Variants in KAZN observed in about 807,000 individuals in gnomAD.
KAZN encodes kazrin.
In KAZN, 40 loss-of-function variants were observed where a neutral mutation model predicts 87.4. That is an observed-to-expected ratio of 0.46 (90% CI 0.36 to 0.60). The LOEUF is 0.60. Ranked by LOEUF, KAZN falls within the 20% of genes least tolerant of loss-of-function variation. The probability of loss-of-function intolerance (pLI) is 0.00; values close to 1 mark genes in which losing one functional copy is unlikely to be tolerated. For synonymous variants in KAZN, 466 were observed against 458.3 expected, an observed-to-expected ratio of 1.02 and a Z score of -0.22; for missense variants, 898 against 1,073.9, an observed-to-expected ratio of 0.84 and a Z score of 2.29.
Position 14,961,621 on chromosome 1 carries a change from G to T in KAZN, c.418+746G>T, listed in dbSNP as rs78368198. 3.7e-3 allele frequency among the ~76,000 whole-genome samples: 566 copies of T among 152,266 alleles called. 2 individuals are homozygous for T. Among genetic ancestry groups the T allele is most frequent in the African/African-American group, 0.013 (546 of 41,550 alleles). Reference sequence around the variant, plus strand: ...ACTCCACAGTGCTTGGAGAACTCAGGCATGAAACATCTGGGGAAAACACAG... The same window carrying T: ...ACTCCACAGTGCTTGGAGAACTCAGTCATGAAACATCTGGGGAAAACACAG... On this transcript the variant is annotated intron_variant, in intron 2 of 14. Transcript: ENST00000376030.
At chr1:14,604,327 T>C (rs535220822) in intron 1 of KAZN, among the ~76,000 whole-genome samples, 4 of 152,250 alleles carry the variant, frequency 2.6e-5, no homozygotes, top group South Asian at 4.2e-4. Flanking sequence ...CAGGGGCAGA[T>C]CATACCTGAC....
chr1:15,079,060 C>T (rs1472650705), intron 8 of KAZN, among the ~76,000 whole-genome samples: 1 of 152,158 alleles, frequency 6.6e-6, no homozygotes, highest in Non-Finnish European at 1.5e-5. Context: ...TTGCATGAAT[C>T]ATGCAAGATA....
At chr1:14,110,766 C>T (rs1275858306) in intron 1 of KAZN, among the ~76,000 whole-genome samples, 1 of 133,298 alleles carries the variant, frequency 7.5e-6, no homozygotes, top group African/African-American at 2.9e-5. Context: ...CCCTAGGTTT[C>T]AGGCTTAGTA....
chr1:14,161,602 C>A (rs113826696), intron 1 of KAZN, among the ~76,000 whole-genome samples: 4,424 of 152,268 alleles, frequency 0.029, 214 homozygotes, highest in African/African-American at 0.1. Flanking sequence ...GTCAAATGGA[C>A]ATTTCCACAA....
At chr1:14,027,249 A>G (rs1207657939) in intron 1 of KAZN, among the ~76,000 whole-genome samples, 2 of 151,928 alleles carry the variant, frequency 1.3e-5, no homozygotes, top group African/African-American at 4.8e-5. Flanking sequence ...TTTCCTTTTG[A>G]TGTCTGGAAT....
intron 2 of KAZN, among the ~76,000 whole-genome samples, chr1:14,183,147 T>C (rs2100324362): frequency 6.6e-6 from 1 of 152,290 alleles, no homozygotes; most frequent in South Asian, 2.1e-4. Flanking sequence ...TCAAGTCACA[T>C]CTGTTTGGAA....
At chr1:14,715,659 A>G (rs187339911) in intron 1 of KAZN, among the ~76,000 whole-genome samples, 51 of 152,290 alleles carry the variant, frequency 3.3e-4, no homozygotes, top group Non-Finnish European at 2.9e-4. Flanking sequence ...GGCCTAATAC[A>G]GGTTGATATT....
intron 2 of KAZN, among the ~76,000 whole-genome samples, chr1:14,209,081 C>G (rs1247074819): frequency 6.6e-6 from 1 of 152,242 alleles, no homozygotes; most frequent in Non-Finnish European, 1.5e-5. Flanking sequence ...CACCACTACC[C>G]TGCTCTAGAA....
intron 1 of KAZN, among the ~76,000 whole-genome samples, chr1:14,712,087 AG>A (rs1465918494): frequency 6.6e-6 from 1 of 152,176 alleles, no homozygotes; most frequent in Non-Finnish European, 1.5e-5. Flanking sequence ...AAGGGGAGAA[AG>A]GGTTTTAGGG....
At chr1:14,738,415 G>A (rs1029570675) in intron 1 of KAZN, among the ~76,000 whole-genome samples, 1 of 152,060 alleles carries the variant, frequency 6.6e-6, no homozygotes, top group Non-Finnish European at 1.5e-5. Context: ...AGCACACTCA[G>A]TCTTAATGTA....
At chr1:14,466,384 T>C (rs1668131198) in intron 2 of KAZN, among the ~76,000 whole-genome samples, 1 of 151,574 alleles carries the variant, frequency 6.6e-6, no homozygotes, top group African/African-American at 2.4e-5. Flanking sequence ...CTCAGCAAAC[T>C]AATGCAGGAA....
At chr1:14,887,971 A>T (rs1485143328) in intron 1 of KAZN, among the ~76,000 whole-genome samples, 2 of 151,842 alleles carry the variant, frequency 1.3e-5, no homozygotes, top group Non-Finnish European at 2.9e-5. Context: ...AGAGAAGGAA[A>T]AGTGACAAGG....
intron 2 of KAZN, among the ~76,000 whole-genome samples, chr1:14,519,742 T>C (rs1671485266): frequency 6.6e-6 from 1 of 152,242 alleles, no homozygotes; most frequent in Non-Finnish European, 1.5e-5. Flanking sequence ...CAAGAGACTT[T>C]GGGGGATTCC....
chr1:14,385,509 T>G (rs1387870564), intron 2 of KAZN, among the ~76,000 whole-genome samples: 1 of 152,236 alleles, frequency 6.6e-6, no homozygotes, highest in Non-Finnish European at 1.5e-5. Context: ...TCTGGTATGT[T>G]GTGTCTTTGT....
At chr1:14,746,832 T>C (rs1421191936) in intron 1 of KAZN, among the ~76,000 whole-genome samples, 1 of 152,244 alleles carries the variant, frequency 6.6e-6, no homozygotes, top group Non-Finnish European at 1.5e-5. Flanking sequence ...TCAGTTATTT[T>C]ATATGTTGGT....
chr1:14,129,970 A>C (rs565816386), intron 1 of KAZN, among the ~76,000 whole-genome samples: 11 of 152,242 alleles, frequency 7.2e-5, no homozygotes, highest in Non-Finnish European at 1.5e-4. Context: ...AATTGAGAGA[A>C]GTGAACAAAT....
intron 2 of KAZN, among the ~76,000 whole-genome samples, chr1:14,388,240 G>A (rs1662118868): frequency 6.6e-6 from 1 of 152,144 alleles, no homozygotes; most frequent in South Asian, 2.1e-4. Flanking sequence ...GATGAACCCG[G>A]TACCTCAGAT....
chr1:14,959,314 A>G (rs1316074533), intron 1 of KAZN, among the ~76,000 whole-genome samples: 1 of 152,232 alleles, frequency 6.6e-6, no homozygotes, highest in East Asian at 1.9e-4. Context: ...AGGCAGCCAC[A>G]GGAAGAACCA....
At chr1:15,088,789 G>A (rs895789338) in intron 8 of KAZN, among the ~76,000 whole-genome samples, 3 of 152,022 alleles carry the variant, frequency 2.0e-5, no homozygotes, top group South Asian at 2.1e-4. Context: ...AGAAGGAGGC[G>A]GTGGTGAATA....
Sources: allele counts gnomAD v4.1 joint callset (sites outside exome capture counted in the v4.1 genomes callset), GRCh38; gene constraint gnomAD v4.1.1; transcripts MANE v1.5; gene names NCBI Gene and HGNC (gene_info 2026-07-23, HGNC 2026-07-21).